GPHN: variants seen among roughly 807,000 people sequenced by gnomAD.
GPHN encodes the protein gephyrin.
GPHN carries 17 observed loss-of-function variants against 95.5 expected under a neutral mutation model. That is an observed-to-expected ratio of 0.18 (90% CI 0.12 to 0.27). The LOEUF is 0.27. GPHN is among the 10% of genes least tolerant of loss of function. The pLI is 1.00. For synonymous variants in GPHN, 320 were observed against 322.5 expected (o/e 0.99, Z 0.08); for missense variants, 660 against 978.1 (o/e 0.67, Z 4.34).
chr14:67,039,015 T>C (rs1447139178), intron 10 of GPHN, among the ~76,000 whole-genome samples: 2 of 152,210 alleles, frequency 1.3e-5, no homozygotes, highest in Non-Finnish European at 2.9e-5. Flanking sequence ...CTATCTTCAG[T>C]CTCTTGCTCC....
intron 1 of GPHN, among the ~76,000 whole-genome samples, chr14:66,579,518 A>G (rs1305835052): frequency 6.6e-6 from 1 of 151,864 alleles, no homozygotes; most frequent in Admixed American, 6.6e-5. Flanking sequence ...GGGAAAAGAT[A>G]GTCTATGAAA....
chr14:66,789,010 C>T (rs2059881130), intron 3 of GPHN, among the ~76,000 whole-genome samples: 1 of 152,200 alleles, frequency 6.6e-6, no homozygotes. Flanking sequence ...TTTTTCTAAA[C>T]GTTGTATAAC....
At chr14:67,645,173 ATTTC>A in the GPHN span, among the ~76,000 whole-genome samples, 8 of 149,840 alleles carry the variant, frequency 5.3e-5, no homozygotes, top group Admixed American at 4.7e-4. Flanking sequence ...ATTTACCTAG[ATTTC>A]TTTTTTTTTT....
the GPHN span, among the ~76,000 whole-genome samples, chr14:67,245,357 G>A: frequency 3.3e-5 from 5 of 152,028 alleles, no homozygotes; most frequent in Non-Finnish European, 7.4e-5. Context: ...GTAGTATCTC[G>A]TTGGGATTTT....
At chr14:67,584,143 A>G in the GPHN span, 2 of 1,610,620 alleles carry the variant, frequency 1.2e-6, no homozygotes, top group Non-Finnish European at 1.7e-6. Flanking sequence ...CAGTGGAAGG[A>G]GCTGCCCACA....
chr14:67,628,928 G>A, the GPHN span, among the ~76,000 whole-genome samples: 1 of 152,208 alleles, frequency 6.6e-6, no homozygotes, highest in South Asian at 2.1e-4. Context: ...GTGTACCCAT[G>A]TTCACAGCAG....
chr14:67,340,299 A>G, the GPHN span: 2 of 683,200 alleles, frequency 2.9e-6, no homozygotes, highest in Non-Finnish European at 4.8e-6. Flanking sequence ...TCTGGTAATA[A>G]TATTTCTTGC....
intron 17 of GPHN, among the ~76,000 whole-genome samples, chr14:67,125,857 A>G (rs138681099): frequency 6.6e-6 from 1 of 151,814 alleles, no homozygotes; most frequent in African/African-American, 2.4e-5. Context: ...CTCTATTTGT[A>G]TCATTAAAAA....
chr14:67,640,481 A>G, the GPHN span, among the ~76,000 whole-genome samples: 6 of 152,070 alleles, frequency 3.9e-5, no homozygotes, highest in Non-Finnish European at 8.8e-5. Flanking sequence ...CTGCTCCTCA[A>G]ATTTTTATAT....
downstream of GPHN, among the ~76,000 whole-genome samples, chr14:67,182,817 G>T (rs1175447220): frequency 6.6e-6 from 1 of 150,998 alleles, no homozygotes; most frequent in Non-Finnish European, 1.5e-5. Flanking sequence ...AGATTTCAAG[G>T]AGTAAGATGG....
At chr14:67,735,117 A>G in the GPHN span, 21 of 791,374 alleles carry the variant, frequency 2.7e-5, no homozygotes, top group African/African-American at 2.9e-4. Flanking sequence ...AAAAGAAAAC[A>G]ATGATAGGCA....
intron 10 of GPHN, among the ~76,000 whole-genome samples, chr14:67,037,641 C>T (rs948556830): frequency 6.6e-5 from 10 of 151,732 alleles, no homozygotes; most frequent in African/African-American, 2.4e-4. Context: ...GGGGAAAGGA[C>T]TTGAATAGAC....
chr14:67,398,066 A>C, the GPHN span: 1 of 361,246 alleles, frequency 2.8e-6, no homozygotes, highest in Non-Finnish European at 4.9e-6. Flanking sequence ...CTACAAAGTA[A>C]AAAGAAGAGA....
intron 10 of GPHN, among the ~76,000 whole-genome samples, chr14:67,048,439 A>G (rs1335626813): frequency 1.3e-5 from 2 of 152,216 alleles, no homozygotes; most frequent in African/African-American, 4.8e-5. Flanking sequence ...CTCATTAGAG[A>G]AACCTGTAGC....
At chr14:66,850,050 A>G (rs773663390) in intron 4 of GPHN, among the ~76,000 whole-genome samples, 2 of 152,094 alleles carry the variant, frequency 1.3e-5, no homozygotes, top group Non-Finnish European at 2.9e-5. Context: ...TTCATGGCTG[A>G]TGCATGATAG....
At chr14:66,622,924 A>G (rs1412565409) in intron 1 of GPHN, among the ~76,000 whole-genome samples, 1 of 152,192 alleles carries the variant, frequency 6.6e-6, no homozygotes, top group African/African-American at 2.4e-5. Context: ...TCTGCCTGTT[A>G]TCCAGTTCCA....
chr14:67,016,927 T>C (rs1169934045), intron 9 of GPHN, among the ~76,000 whole-genome samples: 1 of 152,176 alleles, frequency 6.6e-6, no homozygotes, highest in African/African-American at 2.4e-5. Context: ...ATTTTATTTT[T>C]ACTTACAATA....
At chr14:67,395,453 T>G in the GPHN span, 1 of 1,614,060 alleles carries the variant, frequency 6.2e-7, no homozygotes, top group Non-Finnish European at 8.5e-7. Flanking sequence ...GCTGTGCAGC[T>G]GCTGGACCTT....
the GPHN span, chr14:67,573,404 C>T: frequency 2.9e-6 from 4 of 1,401,052 alleles, no homozygotes; most frequent in South Asian, 2.3e-5. The surrounding 1 kb of genome is among the most constrained non-coding windows in gnomAD (Gnocchi z 4.8). Context: ...TCTCCCCGCC[C>T]AGCACTGCAG....
Sources: allele counts gnomAD v4.1 joint callset (sites outside exome capture counted in the v4.1 genomes callset), GRCh38; gene constraint gnomAD v4.1.1; non-coding constraint Gnocchi (gnomAD v3.1); transcripts MANE v1.5; gene names NCBI Gene and HGNC (gene_info 2026-07-23, HGNC 2026-07-21).